MEIS2: variants seen among roughly 807,000 people sequenced by gnomAD.
MEIS2 encodes the protein homeobox protein Meis2.
MEIS2 carries 9 observed loss-of-function variants against 58.6 expected under a neutral mutation model. That is an observed-to-expected ratio of 0.15 (90% CI 0.09 to 0.27). The LOEUF (loss-of-function observed/expected upper bound fraction) is 0.27, where lower values mean the gene tolerates loss of function less well. Ranked by LOEUF, MEIS2 falls within the 10% of genes least tolerant of loss-of-function variation. MEIS2 has a pLI of 1.00. For synonymous variants in MEIS2, 221 were observed against 228.4 expected (o/e 0.97, Z 0.29); for missense variants, 427 against 635.0 (o/e 0.67, Z 3.52).
chr15:37,091,367 A>T (rs1455093115), intron 6 of MEIS2, among the ~76,000 whole-genome samples: 2 of 152,204 alleles, frequency 1.3e-5, no homozygotes, highest in Non-Finnish European at 2.9e-5. Context: ...TGCTGGTGGA[A>T]CAAATTATTG....
At chr15:37,082,919 G>A (rs1213934520) in intron 7 of MEIS2, among the ~76,000 whole-genome samples, 4 of 151,950 alleles carry the variant, frequency 2.6e-5, no homozygotes, top group African/African-American at 4.8e-5. Context: ...CTTAAATATC[G>A]TGGCCATAAA....
chr15:36,984,067 G>A (rs1450800781), intron 8 of MEIS2, among the ~76,000 whole-genome samples: 11 of 151,494 alleles, frequency 7.3e-5, no homozygotes, highest in Admixed American at 7.2e-4. Context: ...CACAAGTTTT[G>A]TACATATAAG....
chr15:36,960,197 G>C (rs76276884), intron 8 of MEIS2, among the ~76,000 whole-genome samples: 1,886 of 152,036 alleles, frequency 0.012, 45 homozygotes, highest in African/African-American at 0.043. Flanking sequence ...ACAACAGATA[G>C]CTAACATGGA....
chr15:36,930,001 G>A (rs1296673688), intron 9 of MEIS2, among the ~76,000 whole-genome samples: 3 of 151,862 alleles, frequency 2.0e-5, no homozygotes, highest in African/African-American at 4.8e-5. Flanking sequence ...TCAGGAGTTC[G>A]AGACCAGCCT....
chr15:37,041,714 T>C (rs2062431293), intron 7 of MEIS2, among the ~76,000 whole-genome samples: 1 of 152,158 alleles, frequency 6.6e-6, no homozygotes, highest in Non-Finnish European at 1.5e-5. Flanking sequence ...AGATGATTGA[T>C]TCTAAATTCT....
intron 7 of MEIS2, among the ~76,000 whole-genome samples, chr15:37,075,789 C>G (rs1275119876): frequency 6.6e-6 from 1 of 151,866 alleles, no homozygotes; most frequent in East Asian, 1.9e-4. Context: ...CATACCTGGG[C>G]AGATCAGGAA....
intron 9 of MEIS2, among the ~76,000 whole-genome samples, chr15:36,924,056 A>G (rs994978779): frequency 1.3e-5 from 2 of 152,378 alleles, no homozygotes; most frequent in African/African-American, 4.8e-5. Flanking sequence ...CTGTGAAACT[A>G]TCTGCAATAT....
intron 8 of MEIS2, among the ~76,000 whole-genome samples, chr15:36,976,387 A>G (rs1051966593): frequency 2.0e-5 from 3 of 151,770 alleles, no homozygotes; most frequent in Non-Finnish European, 4.4e-5. Flanking sequence ...CCTGGCCTAT[A>G]AAGAGATTTT....
chr15:36,909,114 G>A (rs1595699297), intron 9 of MEIS2, among the ~76,000 whole-genome samples: 1 of 152,072 alleles, frequency 6.6e-6, no homozygotes, highest in East Asian at 1.9e-4. Context: ...CCTTTGGCCT[G>A]GGCTGGGCTT....
chr15:36,894,957 A>T, intron 11 of MEIS2, 194 bp downstream of exon 11: 1 of 897,416 alleles, frequency 1.1e-6, no homozygotes, highest in Non-Finnish European at 1.8e-6. Flanking sequence ...GGCAGAGTAT[A>T]ATGGTACTGT....
Position 36,892,244 on chromosome 15 carries a change from G to C in MEIS2, c.1363C>G (p.Gln455Glu). 6.2e-7 allele frequency: 1 copy of C among 1,614,154 alleles called. No individual in the cohort carries two copies. The highest frequency in any genetic ancestry group is 8.5e-7 in the Non-Finnish European group (1 of 1,180,044). Residue 455 changes from glutamine to glutamate, a missense_variant, in exon 12 of 12, where the codon CAG becomes GAG. Gln to Glu is a conservative substitution (Grantham distance 29). This residue lies in a region of MEIS2 where 154 missense variants were observed against 148.1 expected (regional missense o/e 1.04). Coordinates refer to ENST00000561208, the MANE Select transcript of MEIS2 (RefSeq NM_170675.5). ...PTHPGMTMSAQSPTMLNSVDP... is the reference protein window; with the variant it reads ...PTHPGMTMSAESPTMLNSVDP... ...ACAGAATTTAACATTGTGGGGCTCT[G>C]TGCTGACATAGTCATTCCAGGGTGG...
chr15:36,960,709 C>T (rs1342529864), intron 8 of MEIS2, among the ~76,000 whole-genome samples: 2 of 152,116 alleles, frequency 1.3e-5, no homozygotes, highest in Non-Finnish European at 2.9e-5. Context: ...CTAAGAAAGG[C>T]AGGCTCAAAA....
intron 8 of MEIS2, among the ~76,000 whole-genome samples, chr15:36,960,670 T>C (rs138934076): frequency 0.011 from 1,632 of 152,248 alleles, 88 homozygotes; most frequent in Admixed American, 0.091. Context: ...AATGAGTGTT[T>C]CATACAAGTA....
intron 8 of MEIS2, among the ~76,000 whole-genome samples, chr15:36,992,492 TA>T (rs1485167711): frequency 6.6e-6 from 1 of 152,120 alleles, no homozygotes; most frequent in African/African-American, 2.4e-5. Flanking sequence ...AAAGAAATAA[TA>T]AAATTATTAG....
intron 7 of MEIS2, among the ~76,000 whole-genome samples, chr15:37,052,761 C>T (rs1015838687): frequency 4.6e-5 from 7 of 152,210 alleles, no homozygotes; most frequent in African/African-American, 9.6e-5. Flanking sequence ...AGAGTCACCG[C>T]TGGTTGAAAA....
intron 7 of MEIS2, among the ~76,000 whole-genome samples, chr15:37,070,565 T>C (rs997644969): frequency 6.6e-6 from 1 of 152,196 alleles, no homozygotes; most frequent in African/African-American, 2.4e-5. Flanking sequence ...TACCCTGCTC[T>C]ACTGCAGCTT....
chr15:36,989,127 C>T (rs1286396701), intron 8 of MEIS2, among the ~76,000 whole-genome samples: 6 of 152,260 alleles, frequency 3.9e-5, no homozygotes, highest in African/African-American at 9.6e-5. Flanking sequence ...TTGACATTTC[C>T]TTCATTTGCT....
chr15:37,066,125 T>C (rs1372589377), intron 7 of MEIS2, among the ~76,000 whole-genome samples: 1 of 152,156 alleles, frequency 6.6e-6, no homozygotes, highest in Non-Finnish European at 1.5e-5. Context: ...AAAGTGACCC[T>C]ATGGATCTAA....
At chr15:36,978,440 A>G (rs1451749045) in intron 8 of MEIS2, among the ~76,000 whole-genome samples, 1 of 152,210 alleles carries the variant, frequency 6.6e-6, no homozygotes, top group Non-Finnish European at 1.5e-5. Flanking sequence ...GCTGTACCAC[A>G]CTGGTATTGT....
Sources: allele counts gnomAD v4.1 joint callset (sites outside exome capture counted in the v4.1 genomes callset), GRCh38; gene constraint gnomAD v4.1.1; regional missense constraint gnomAD v4.1.1; transcripts MANE v1.5; gene names NCBI Gene and HGNC (gene_info 2026-07-23, HGNC 2026-07-21).